The following HNF4G variants were observed in gnomAD, a reference collection of about 807,000 sequenced individuals.
HNF4G encodes hepatocyte nuclear factor 4 gamma.
Under a neutral mutation model 50.9 loss-of-function variants are expected in HNF4G, and 21 were observed. That is an observed-to-expected ratio of 0.41 (90% CI 0.29 to 0.59). HNF4G has a LOEUF of 0.59. Among genes scored for constraint, HNF4G ranks in the 20% least tolerant of loss-of-function variants. HNF4G has a pLI of 0.26. For synonymous variants in HNF4G, 198 were observed against 185.6 expected (o/e 1.07, Z -0.54); for missense variants, 527 against 559.4 (o/e 0.94, Z 0.58).
At chr8:75,560,298 T>C (rs769647287) in intron 8 of HNF4G, 46 bp from the exon 9 acceptor site, 2 of 1,597,786 alleles carry the variant, frequency 1.3e-6, no homozygotes, top group Non-Finnish European at 1.7e-6. Context: ...AAACTTGCTG[T>C]TCCTGATTAA....
At chr8:75,470,264 G>A (rs1585871753) in intron 1 of HNF4G, among the ~76,000 whole-genome samples, 1 of 152,134 alleles carries the variant, frequency 6.6e-6, no homozygotes, top group Non-Finnish European at 1.5e-5. Flanking sequence ...GATTATAAAA[G>A]CATTAAAAGA....
intron 9 of HNF4G, among the ~76,000 whole-genome samples, chr8:75,560,975 G>A (rs1005946664): frequency 3.3e-5 from 5 of 152,124 alleles, no homozygotes; most frequent in Middle Eastern, 3.4e-3. Flanking sequence ...ATTGACAATC[G>A]AAGGGTTTTA....
chr8:75,444,264 A>G (rs1361487908), intron 1 of HNF4G, among the ~76,000 whole-genome samples: 4 of 151,836 alleles, frequency 2.6e-5, no homozygotes, highest in African/African-American at 4.8e-5. Flanking sequence ...GCCCTAAAAG[A>G]GCTCCTGAAG....
At chr8:75,537,174 A>C (rs1806487470), upstream of HNF4G, among the ~76,000 whole-genome samples, 1 of 152,138 alleles carries the variant, frequency 6.6e-6, no homozygotes, top group South Asian at 2.1e-4. Context: ...TTGTTATTTC[A>C]TTTCACAATT....
At chr8:75,438,588 A>G (rs928203625) in intron 1 of HNF4G, among the ~76,000 whole-genome samples, 4 of 150,926 alleles carry the variant, frequency 2.7e-5, no homozygotes, top group Admixed American at 2.0e-4. Context: ...CTTTTCAGTT[A>G]TGATATTCAT....
At chr8:75,487,445 A>G (rs1173044260) in intron 1 of HNF4G, among the ~76,000 whole-genome samples, 2 of 152,072 alleles carry the variant, frequency 1.3e-5, no homozygotes, top group African/African-American at 4.8e-5. Flanking sequence ...CAAATCTGAA[A>G]TTTTCTGTCT....
intron 2 of HNF4G, among the ~76,000 whole-genome samples, chr8:75,499,917 T>C (rs2943604): frequency 1.3e-5 from 2 of 151,946 alleles, no homozygotes; most frequent in Non-Finnish European, 2.9e-5. Flanking sequence ...CAAATGCAAC[T>C]GCTAAAACTA....
At chr8:75,445,305 T>C (rs1306900010) in intron 1 of HNF4G, among the ~76,000 whole-genome samples, 1 of 49,684 alleles carries the variant, frequency 2.0e-5, no homozygotes, top group Non-Finnish European at 3.9e-5. Flanking sequence ...TTTATAGCAC[T>C]AAATGCCCAC....
chr8:75,442,430 C>T (rs1811309124), intron 1 of HNF4G, among the ~76,000 whole-genome samples: 1 of 151,512 alleles, frequency 6.6e-6, no homozygotes. Context: ...TGTGAATGGC[C>T]CAGCGCAATG....
rs1208161485 is a variant in HNF4G, at chr8:75,558,977, T to C, written c.1063T>C (p.Phe355Leu). Residue 355 changes from phenylalanine to leucine, a missense_variant, in exon 8 of 10, where the codon TTT becomes CTT. Physicochemically the swap from Phe to Leu is conservative, Grantham distance 22. Around this residue, in one of 5 missense-constraint regions of HNF4G, gnomAD observed 308 missense variants for 301.5 expected, o/e 1.02. Coordinates refer to ENST00000396423, the MANE Select transcript of HNF4G (RefSeq NM_004133.5). ...GTGGCAAATGATTGAGCAAATACAG[T>C]TTGTTAAACTTTTTGGGATGGTTAA... is the stretch of plus-strand genomic sequence containing the variant. Reference protein sequence around the residue: ...ITWQMIEQIQFVKLFGMVKID... With the variant: ...ITWQMIEQIQLVKLFGMVKID... 1 of 1,613,986 alleles carries C rather than the reference T, an allele frequency of 6.2e-7. No homozygotes were observed. Among genetic ancestry groups the C allele is most frequent in the Non-Finnish European group, 8.5e-7 (1 of 1,179,902 alleles).
chr8:75,463,363 T>G (rs1811896801), intron 1 of HNF4G, among the ~76,000 whole-genome samples: 1 of 152,164 alleles, frequency 6.6e-6, no homozygotes, highest in Non-Finnish European at 1.5e-5. Flanking sequence ...CAGAGGGAAC[T>G]CCTAACTGTT....
intron 2 of HNF4G, among the ~76,000 whole-genome samples, chr8:75,513,943 T>C (rs911258855): frequency 1.3e-5 from 2 of 152,002 alleles, no homozygotes; most frequent in African/African-American, 4.8e-5. Context: ...TCATGAATCA[T>C]TGACAAAAAA....
intron 1 of HNF4G, among the ~76,000 whole-genome samples, chr8:75,475,322 T>TA (rs1812217426): frequency 1.3e-5 from 2 of 152,236 alleles, no homozygotes; most frequent in Admixed American, 6.5e-5. Context: ...AATTATTTTT[T>TA]AAAAAAACCA....
At chr8:75,504,217 T>A (rs187819810) in intron 2 of HNF4G, among the ~76,000 whole-genome samples, 1 of 138,506 alleles carries the variant, frequency 7.2e-6, no homozygotes, top group Non-Finnish European at 1.5e-5. Context: ...TAAGACTTTG[T>A]CCAAAGCACA....
At chr8:75,538,846 C>T (rs1027417459), upstream of HNF4G, among the ~76,000 whole-genome samples, 2 of 152,038 alleles carry the variant, frequency 1.3e-5, no homozygotes, top group African/African-American at 4.8e-5. Flanking sequence ...CCAGCCTTCC[C>T]GGGTGAAAAG....
At chr8:75,533,908 TTA>T (rs1806394669) in intron 2 of HNF4G, among the ~76,000 whole-genome samples, 1 of 151,926 alleles carries the variant, frequency 6.6e-6, no homozygotes. Flanking sequence ...ACTCTCTTAT[TTA>T]TATGTTTATT....
intron 6 of HNF4G, among the ~76,000 whole-genome samples, chr8:75,557,292 A>C (rs1329220946): frequency 6.6e-6 from 1 of 152,222 alleles, no homozygotes; most frequent in South Asian, 2.1e-4. Context: ...GAGTTTTACT[A>C]TGGTAATTAT....
At chr8:75,479,836 A>C (rs1170855761) in intron 1 of HNF4G, among the ~76,000 whole-genome samples, 2 of 152,250 alleles carry the variant, frequency 1.3e-5, no homozygotes, top group South Asian at 2.1e-4. Context: ...TATCCATCAC[A>C]TCAATGTTTT....
chr8:75,465,560 G>A (rs910281882), intron 1 of HNF4G, among the ~76,000 whole-genome samples: 6 of 151,984 alleles, frequency 3.9e-5, no homozygotes, highest in Non-Finnish European at 5.9e-5. Flanking sequence ...GGTATCATAA[G>A]CAAAACAGAA....
Sources: gnomAD v4.1 joint callset for allele counts (sites outside exome capture counted in the v4.1 genomes callset) on GRCh38, gnomAD v4.1.1 for gene constraint, gnomAD v4.1.1 regional missense constraint, MANE v1.5 for transcripts, NCBI Gene and HGNC (gene_info 2026-07-23, HGNC 2026-07-21) for gene names.